Variants in PCDHA13 observed in about 807,000 individuals in gnomAD.
PCDHA13 encodes the protein protocadherin alpha-13.
PCDHA13 carries 54 observed loss-of-function variants against 64.8 expected under a neutral mutation model. The ratio of observed to expected loss-of-function variants is 0.83; its 90% confidence interval spans 0.67 to 1.04. PCDHA13 has a LOEUF of 1.04. Ranked by LOEUF, PCDHA13 falls within the 50% of genes least tolerant of loss-of-function variation. PCDHA13 has a pLI of 0.00. For missense variants in PCDHA13, 1,248 were observed against 1,254.3 expected, an observed-to-expected ratio of 0.99 and a Z score of 0.08; for synonymous variants, 587 against 564.4, an observed-to-expected ratio of 1.04 and a Z score of -0.57.
Position 140,908,881 on chromosome 5 carries a change from A to G in PCDHA13, c.2394+24219A>G, listed in dbSNP as rs77004912. Among the ~76,000 whole-genome samples, 1,225 of 152,366 alleles carry G rather than the reference A, an allele frequency of 8.0e-3. 6 individuals carry two copies. The highest frequency in any genetic ancestry group is 0.019 in the African/African-American group (790 of 41,588). Reference sequence around the variant, plus strand: ...AGGAATGTGTTGCCTCCAAAATCCAATAGTCCCAAATAAGCCTCTTTCGTG... The same window carrying G: ...AGGAATGTGTTGCCTCCAAAATCCAGTAGTCCCAAATAAGCCTCTTTCGTG... On this transcript the variant is annotated intron_variant, in intron 1 of 3. Transcript: ENST00000289272.
At chr5:140,910,408 G>A (rs1165160124) in intron 1 of PCDHA13, among the ~76,000 whole-genome samples, 2 of 152,106 alleles carry the variant, frequency 1.3e-5, no homozygotes, top group African/African-American at 2.4e-5. Flanking sequence ...CTGCCACCTC[G>A]AGATCCAATT....
chr5:140,943,270 AAAAAAAAG>A (rs1301290983), intron 1 of PCDHA13, among the ~76,000 whole-genome samples: 4 of 150,618 alleles, frequency 2.7e-5, no homozygotes, highest in African/African-American at 4.9e-5. Context: ...AAAAAAAAAA[AAAAAAAAG>A]AAAGAAAGAA....
At chr5:140,986,859 C>T (rs1554248338) in intron 3 of PCDHA13, among the ~76,000 whole-genome samples, 1 of 152,152 alleles carries the variant, frequency 6.6e-6, no homozygotes, top group East Asian at 1.9e-4. Context: ...ACCAACAATA[C>T]CCGGAAACTT....
chr5:140,906,720 G>A (rs2072884338), intron 1 of PCDHA13, among the ~76,000 whole-genome samples: 1 of 152,182 alleles, frequency 6.6e-6, no homozygotes, highest in African/African-American at 2.4e-5. Context: ...CCTGGATTGT[G>A]CTGTTGTAGT....
rs782669562 is a variant in PCDHA13 at position 140,883,308 on chromosome 5, C to T, written c.1040C>T (p.Ala347Val). ...LVEVLDVNDN[A>V]PEVTITSLSL... ...GAAGTACTAGATGTAAATGATAACGCCCCAGAGGTTACCATCACTTCTTTG... is the reference window on the plus strand; with the variant it reads ...GAAGTACTAGATGTAAATGATAACGTCCCAGAGGTTACCATCACTTCTTTG... The change falls in exon 1 of 4, where the codon GCC (alanine) becomes GTC (valine). Residue 347 changes from alanine to valine, a missense_variant. Coordinates refer to ENST00000289272, the MANE Select transcript of PCDHA13 (RefSeq NM_018904.3). The T allele has an allele frequency of 1.2e-6, 2 of 1,614,102 alleles. No homozygotes were observed. Among genetic ancestry groups the T allele is most frequent in the South Asian group, 1.1e-5 (1 of 91,078 alleles).
chr5:140,886,368 C>A (rs1174734883), intron 1 of PCDHA13, among the ~76,000 whole-genome samples: 1 of 152,040 alleles, frequency 6.6e-6, no homozygotes, highest in Non-Finnish European at 1.5e-5. Flanking sequence ...GGTGTACATG[C>A]CATGGTGTGC....
At chr5:140,916,070 G>A (rs1554197282) in intron 1 of PCDHA13, among the ~76,000 whole-genome samples, 1 of 152,130 alleles carries the variant, frequency 6.6e-6, no homozygotes, top group Non-Finnish European at 1.5e-5. Flanking sequence ...CCTGTGGCCA[G>A]TACTACCACT....
chr5:140,953,110 G>A (rs1384996852), intron 1 of PCDHA13, among the ~76,000 whole-genome samples: 2 of 152,074 alleles, frequency 1.3e-5, no homozygotes, highest in Non-Finnish European at 2.9e-5. Flanking sequence ...ATTTGGGCAG[G>A]GACACAGATC....
At chr5:140,929,331 C>G in intron 1 of PCDHA13, 1 of 1,534,960 alleles carries the variant, frequency 6.5e-7, no homozygotes, top group Non-Finnish European at 8.8e-7. Context: ...CCATGGTAAG[C>G]AAATTTTATG....
At chr5:140,973,324 C>T (rs1261856526) in intron 1 of PCDHA13, among the ~76,000 whole-genome samples, 4 of 152,174 alleles carry the variant, frequency 2.6e-5, no homozygotes, top group Admixed American at 1.3e-4. Context: ...ACAGAGTTTA[C>T]ACTCGTTGTA....
intron 1 of PCDHA13, among the ~76,000 whole-genome samples, chr5:140,921,264 T>C (rs2080129104): frequency 6.6e-6 from 1 of 152,210 alleles, no homozygotes; most frequent in Non-Finnish European, 1.5e-5. Flanking sequence ...CCTAGACTTT[T>C]ATACTTACTT....
intron 1 of PCDHA13, chr5:140,926,870 G>A: frequency 6.6e-7 from 1 of 1,524,514 alleles, no homozygotes; most frequent in South Asian, 1.3e-5. Context: ...CGTGTTGGTG[G>A]AACGTGGACG....
At chr5:140,988,007 A>G (rs2097277966) in intron 3 of PCDHA13, among the ~76,000 whole-genome samples, 1 of 152,230 alleles carries the variant, frequency 6.6e-6, no homozygotes, top group Non-Finnish European at 1.5e-5. Context: ...TTCCCCAGAA[A>G]GAAAGCATGA....
chr5:140,910,257 A>G (rs1428252762), intron 1 of PCDHA13, among the ~76,000 whole-genome samples: 1 of 152,202 alleles, frequency 6.6e-6, no homozygotes, highest in East Asian at 1.9e-4. Flanking sequence ...TAGGCTTCCT[A>G]TCATTTTCAC....
intron 1 of PCDHA13, among the ~76,000 whole-genome samples, chr5:140,963,588 A>G (rs1554226668): frequency 6.6e-6 from 1 of 152,218 alleles, no homozygotes; most frequent in African/African-American, 2.4e-5. Flanking sequence ...AATGTAGGAT[A>G]TAGTTCTAGA....
Position 141,009,711 on chromosome 5 carries a change from C to G in PCDHA13, c.2627C>G (p.Pro876Arg), listed in dbSNP as rs575518914. Reference sequence around the variant, plus strand: ...ACCTTTAAATACGGACCAGGCAACCCCAAACAATCCGGTCCCGGTGAGTTG... The same window carrying G: ...ACCTTTAAATACGGACCAGGCAACCGCAAACAATCCGGTCCCGGTGAGTTG... The part of the protein sequence containing the change: ...SWTFKYGPGN[P>R]KQSGPGELPD... Residue 876 changes from proline to arginine, a missense_variant, in exon 4 of 4, where the codon CCC (proline) becomes CGC (arginine). Transcript: ENST00000289272. The G allele has an allele frequency of 6.2e-6, 10 of 1,613,982 alleles. No homozygotes were observed. Among genetic ancestry groups the G allele is most frequent in the Non-Finnish European group, 8.5e-6 (10 of 1,180,036 alleles).
intron 1 of PCDHA13, among the ~76,000 whole-genome samples, chr5:140,936,386 A>C (rs1321919652): frequency 6.6e-6 from 1 of 152,190 alleles, no homozygotes; most frequent in African/African-American, 2.4e-5. Context: ...GTGGCTAGTG[A>C]AACTGGGCTA....
At chr5:140,973,263 A>G (rs1458697392) in intron 1 of PCDHA13, among the ~76,000 whole-genome samples, 1 of 152,136 alleles carries the variant, frequency 6.6e-6, no homozygotes, top group Admixed American at 6.5e-5. Flanking sequence ...AGTGGCACCT[A>G]CTTTTATTTC....
intron 1 of PCDHA13, among the ~76,000 whole-genome samples, chr5:140,962,378 G>A (rs184607177): frequency 2.1e-3 from 316 of 152,286 alleles, no homozygotes; most frequent in African/African-American, 7.3e-3. Context: ...GATTTTATCT[G>A]TTAATATTAC....
Sources: gnomAD v4.1 joint callset for allele counts (sites outside exome capture counted in the v4.1 genomes callset) on GRCh38, gnomAD v4.1.1 for gene constraint, MANE v1.5 for transcripts, NCBI Gene and HGNC (gene_info 2026-07-23, HGNC 2026-07-21) for gene names.